MESD: variants seen among roughly 807,000 people sequenced by gnomAD.
MESD encodes LRP chaperone MESD.
A neutral mutation model predicts 12.9 loss-of-function variants in MESD; 7 were observed. That is an observed-to-expected ratio of 0.54 (90% CI 0.31 to 1.02). The LOEUF (loss-of-function observed/expected upper bound fraction) is 1.02, where lower values mean the gene tolerates loss of function less well. MESD is among the 50% of genes least tolerant of loss of function. MESD has a pLI of 0.05. For missense variants in MESD, 342 were observed against 296.7 expected (o/e 1.15, Z -1.12); for synonymous variants, 126 against 115.6 (o/e 1.09, Z -0.58).
chr15:80,951,699 C>A (rs113726109), intron 4 of MESD: 1 of 152,986 alleles, frequency 6.5e-6, no homozygotes. Context: ...AAGGGGTGTA[C>A]CTAGAGCCAA....
intron 3 of MESD, among the ~76,000 whole-genome samples, chr15:80,954,891 C>T (rs1901935902): frequency 6.6e-6 from 1 of 152,148 alleles, no homozygotes; most frequent in Non-Finnish European, 1.5e-5. Context: ...GTGTATTTTA[C>T]GTATGGCCCA....
At chr15:80,954,380 C>T (rs1364938271) in intron 3 of MESD, among the ~76,000 whole-genome samples, 1 of 152,224 alleles carries the variant, frequency 6.6e-6, no homozygotes, top group Admixed American at 6.5e-5. Context: ...AACCCTCCTG[C>T]CTCCAGTACT....
At position 80,977,800 on chromosome 15, in the gene MESD, G is replaced by A. The variant is rs3743040; in HGVS notation, c.*1419C>T. On this transcript the variant is annotated 3_prime_UTR_variant, in exon 3 of 3. Coordinates refer to ENST00000261758, the MANE Select transcript of MESD (RefSeq NM_015154.3). The stretch of plus-strand genomic sequence containing the variant: ...GCTCCCGCTCCAGGTTCAAGATGCA[G>A]GAGGAACAAGAAAAGCCTCTTTCAG... 0.12 allele frequency: 18,790 copies of A among 152,274 alleles called. 1,543 individuals are homozygous for A. Among genetic ancestry groups the A allele is most frequent in the Non-Finnish European group, 0.17 (11,367 of 68,062 alleles). The allele number at this position is 152,274 out of a possible 1,614,324, so 9.4% of individuals were successfully genotyped here.
chr15:80,986,143 T>C (rs979981882), intron 1 of MESD, among the ~76,000 whole-genome samples: 5 of 152,220 alleles, frequency 3.3e-5, no homozygotes, highest in African/African-American at 4.8e-5. Flanking sequence ...GAGGACATTA[T>C]GTTAAGTGCA....
At chr15:80,946,837 G>C, downstream of MESD, 1 of 717,350 alleles carries the variant, frequency 1.4e-6, no homozygotes, top group South Asian at 1.5e-5. Flanking sequence ...GCCCTTTCCC[G>C]AATCCCTGGA....
chr15:80,986,653 A>G (rs757345715), intron 1 of MESD, among the ~76,000 whole-genome samples: 2 of 152,218 alleles, frequency 1.3e-5, no homozygotes, highest in Non-Finnish European at 2.9e-5. Context: ...TGCTGAAAAC[A>G]ATCCAGTCTT....
At chr15:80,970,966 A>T (rs1044766236), downstream of MESD, among the ~76,000 whole-genome samples, 4 of 152,210 alleles carry the variant, frequency 2.6e-5, no homozygotes, top group African/African-American at 9.7e-5. Context: ...GAATTTGATC[A>T]GATATTGAGT....
chr15:80,973,958 G>C (rs528831230), downstream of MESD, among the ~76,000 whole-genome samples: 1 of 152,186 alleles, frequency 6.6e-6, no homozygotes, highest in African/African-American at 2.4e-5. Flanking sequence ...GTGAAGCAAA[G>C]AACATCCCAG....
rs1050524 is a variant in MESD, at chr15:80,979,113, G to A, written c.*106C>T. ...GGCAGACCCTTTCTAGAAGACACTA[G>A]AATGTCATCCGGTGTGCAGTTGCCT... On this transcript the variant is annotated 3_prime_UTR_variant, in exon 3 of 3. Coordinates refer to ENST00000261758, the MANE Select transcript of MESD (RefSeq NM_015154.3). 1 of 1,446,518 alleles carries A rather than the reference G, an allele frequency of 6.9e-7. No homozygotes were observed. The highest frequency in any genetic ancestry group is 1.4e-5 in the African/African-American group (1 of 70,416). The allele number at this position is 1,446,518 out of a possible 1,614,324, so 89.6% of individuals were successfully genotyped here.
At chr15:80,961,277 G>GA (rs146807735) in intron 3 of MESD, among the ~76,000 whole-genome samples, 1,250 of 115,848 alleles carry the variant, frequency 0.011, 12 homozygotes, top group Non-Finnish European at 0.015. Flanking sequence ...GGAACAAAAA[G>GA]AAAAAAAAAA....
chr15:80,960,226 G>A (rs532272231), intron 3 of MESD, among the ~76,000 whole-genome samples: 3 of 152,238 alleles, frequency 2.0e-5, no homozygotes, highest in Admixed American at 2.0e-4. Context: ...TTAGTTGGGT[G>A]TGGTGGCACC....
At chr15:80,970,200 C>T (rs1902256290) in intron 3 of MESD, among the ~76,000 whole-genome samples, 1 of 152,176 alleles carries the variant, frequency 6.6e-6, no homozygotes, top group South Asian at 2.1e-4. Flanking sequence ...GGTGGGGAAG[C>T]CGTGAGGCAC....
intron 3 of MESD, among the ~76,000 whole-genome samples, chr15:80,968,217 G>T (rs907128251): frequency 1.3e-5 from 2 of 152,258 alleles, no homozygotes; most frequent in Admixed American, 1.3e-4. Flanking sequence ...GGGAACGGCA[G>T]ATGTTTCTGC....
rs1056761824 is a variant in MESD, at chr15:80,978,995, G to T, written c.*224C>A. 1 of 582,306 alleles carries T rather than the reference G, an allele frequency of 1.7e-6. No individual in the cohort carries two copies. The highest frequency in any genetic ancestry group is 2.5e-5 in the South Asian group (1 of 39,856). 36.1% of individuals were successfully genotyped at this position (582,306 alleles called of 1,614,324 possible). A position where few individuals can be genotyped will look rare whatever the true frequency, so the allele number is the denominator to read the frequency against. On this transcript the variant is annotated 3_prime_UTR_variant, in exon 3 of 3. Coordinates refer to ENST00000261758, the MANE Select transcript of MESD (RefSeq NM_015154.3). ...TGTAAGGAGATTTTATAGTAAACAT[G>T]AATTTGTCAGTGTCCAGTATTAATT...
chr15:80,981,839 G>T, intron 2 of MESD, 111 bp downstream of exon 2: 1 of 828,522 alleles, frequency 1.2e-6, no homozygotes, highest in Non-Finnish European at 1.9e-6. Flanking sequence ...TAGGCAACAA[G>T]AGCAAAACTC....
At chr15:80,973,561 C>A (rs867227650), downstream of MESD, among the ~76,000 whole-genome samples, 16 of 152,062 alleles carry the variant, frequency 1.1e-4, no homozygotes, top group Non-Finnish European at 2.2e-4. Context: ...TAGTTCAGTT[C>A]TTACTATGAA....
chr15:80,949,049 C>A, intron 4 of MESD: 3 of 1,279,120 alleles, frequency 2.3e-6, no homozygotes, highest in Non-Finnish European at 3.4e-6. Context: ...CGTGTTTCAG[C>A]CCTGATGGGC....
intron 1 of MESD, among the ~76,000 whole-genome samples, chr15:80,984,202 A>C (rs543695046): frequency 1.3e-5 from 2 of 152,282 alleles, no homozygotes; most frequent in South Asian, 4.1e-4. Flanking sequence ...CCTAATAAAT[A>C]GCATATAGAC....
intron 4 of MESD, chr15:80,950,148 C>G (rs1294262873): frequency 6.6e-6 from 1 of 152,264 alleles, no homozygotes; most frequent in Admixed American, 6.5e-5. Context: ...CCAGGAGACC[C>G]TAGATGTGCT....
Sources: gnomAD v4.1 joint callset for allele counts (sites outside exome capture counted in the v4.1 genomes callset) on GRCh38, gnomAD v4.1.1 for gene constraint, MANE v1.5 for transcripts, NCBI Gene and HGNC (gene_info 2026-07-23, HGNC 2026-07-21) for gene names.